MROH9: variants seen among roughly 807,000 people sequenced by gnomAD.
MROH9 encodes the protein maestro heat-like repeat-containing protein family member 9.
Under a neutral mutation model 98.2 loss-of-function variants are expected in MROH9, and 92 were observed. That is an observed-to-expected ratio of 0.94 (90% confidence interval 0.79 to 1.11). The LOEUF (loss-of-function observed/expected upper bound fraction) is 1.11. Among genes scored for constraint, MROH9 ranks in the 50% most tolerant of loss-of-function variants. MROH9 has a pLI of 0.00. For missense variants in MROH9, 1,057 were observed against 1,014.8 expected (o/e 1.04, Z -0.57); for synonymous variants, 397 against 368.9 (o/e 1.08, Z -0.87).
At chr1:170,937,668 C>T (rs1648950492) in intron 1 of MROH9, among the ~76,000 whole-genome samples, 2 of 150,976 alleles carry the variant, frequency 1.3e-5, no homozygotes, top group Admixed American at 1.3e-4. Context: ...ACTACAGGCG[C>T]CCGCCACTAC....
In MROH9 at chr1:170,992,228, A is replaced by C; in HGVS notation, c.1093A>C (p.Thr365Pro). ...QASVAPHVLK[T>P]ILLILKGKPG... is the part of the protein sequence containing the mutation. The stretch of plus-strand genomic sequence containing the variant: ...GAGCGTGGCCCCTCACGTGCTGAAG[A>C]CAATCTTATTGATACTGAAAGGAAA... Residue 365 changes from threonine to proline, a missense_variant, in exon 12 of 22, where the codon ACA becomes CCA. Physicochemically the swap from Thr to Pro is conservative, Grantham distance 38 (BLOSUM62 -1). Coordinates refer to ENST00000367759, the MANE Select transcript of MROH9 (RefSeq NM_001163629.2). 3.7e-6 allele frequency: 6 copies of C among 1,613,566 alleles called. No individual in the cohort carries two copies. Among genetic ancestry groups the C allele is most frequent in the Non-Finnish European group, 5.1e-6 (6 of 1,179,702 alleles).
intron 15 of MROH9, chr1:170,998,678 G>A (rs1475325521): frequency 1.8e-6 from 2 of 1,092,228 alleles, no homozygotes; most frequent in Non-Finnish European, 2.2e-6. Flanking sequence ...TGAGTAACTG[G>A]GTAAAATGAA....
intron 1 of MROH9, among the ~76,000 whole-genome samples, chr1:170,943,637 T>C (rs1390014568): frequency 6.6e-6 from 1 of 151,898 alleles, no homozygotes; most frequent in African/African-American, 2.4e-5. Flanking sequence ...AAAGGTTCAT[T>C]TGATCTATAT....
chr1:171,047,500 T>C (rs1653505757), intron 20 of MROH9, among the ~76,000 whole-genome samples: 1 of 152,238 alleles, frequency 6.6e-6, no homozygotes, highest in Non-Finnish European at 1.5e-5. Context: ...TTCTGCTTGA[T>C]TCTTTTTCAT....
intron 20 of MROH9, among the ~76,000 whole-genome samples, chr1:171,045,720 A>G (rs2101863365): frequency 6.6e-6 from 1 of 152,290 alleles, no homozygotes. Flanking sequence ...CATACAGTCT[A>G]TCTGTAAAAA....
chr1:170,983,627 AT>A, intron 9 of MROH9, 93 bp downstream of exon 9: 2 of 773,594 alleles, frequency 2.6e-6, no homozygotes, highest in Non-Finnish European at 4.2e-6. Context: ...TGTCGTTAGT[AT>A]TTTTTCGTTT....
At chr1:170,970,050 G>C (rs1650380396) in intron 7 of MROH9, among the ~76,000 whole-genome samples, 1 of 152,060 alleles carries the variant, frequency 6.6e-6, no homozygotes, top group Admixed American at 6.6e-5. Flanking sequence ...ATGCAGTCTA[G>C]GCACGACCAC....
rs1210886744 is a variant in MROH9 at position 170,995,402 on chromosome 1, T to C, written c.1208T>C (p.Leu403Pro). Residue 403 changes from leucine (L) to proline (P), a missense_variant, in exon 13 of 22, where the codon CTG becomes CCG. Coordinates refer to ENST00000367759, the MANE Select transcript of MROH9 (RefSeq NM_001163629.2). ...NLMPLAACQA[L>P]CTFLPLGSYR... ...CTTCCCTTATAGGCATGCCAGGCCC[T>C]GTGCACCTTTCTGCCTCTTGGTTCC... is the stretch of plus-strand genomic sequence containing the variant. 6.2e-7 allele frequency: 1 copy of C among 1,613,274 alleles called. No homozygotes were observed. The highest frequency in any genetic ancestry group is 8.5e-7 in the Non-Finnish European group (1 of 1,179,514).
intron 12 of MROH9, among the ~76,000 whole-genome samples, chr1:170,995,164 A>G (rs1651512461): frequency 6.6e-6 from 1 of 152,132 alleles, no homozygotes; most frequent in Non-Finnish European, 1.5e-5. Flanking sequence ...GGGTGTTTGT[A>G]TAGTGCCTTA....
intron 8 of MROH9, among the ~76,000 whole-genome samples, chr1:170,972,928 C>A (rs961401518): frequency 2.0e-5 from 3 of 147,618 alleles, no homozygotes; most frequent in Non-Finnish European, 4.4e-5. Context: ...GAGGTGAGAA[C>A]GAATGAGGTG....
At chr1:171,037,350 G>T (rs1326538494) in intron 20 of MROH9, among the ~76,000 whole-genome samples, 1 of 150,828 alleles carries the variant, frequency 6.6e-6, no homozygotes, top group Admixed American at 6.6e-5. Context: ...GGGAGAGGAA[G>T]AAAAGAAGGA....
intron 1 of MROH9, among the ~76,000 whole-genome samples, chr1:170,940,870 C>T (rs1649093492): frequency 6.6e-6 from 1 of 152,208 alleles, no homozygotes. Context: ...GTTCTTGTGG[C>T]TTCCACTTGG....
At chr1:170,937,515 A>AT (rs71125282) in intron 1 of MROH9, among the ~76,000 whole-genome samples, 4,340 of 113,312 alleles carry the variant, frequency 0.038, 157 homozygotes, top group African/African-American at 0.067. Context: ...CATAATCAGT[A>AT]TTTTTTTTTT....
intron 20 of MROH9, among the ~76,000 whole-genome samples, chr1:171,044,620 A>G (rs1475480560): frequency 2.0e-5 from 3 of 152,126 alleles, no homozygotes; most frequent in South Asian, 4.1e-4. Context: ...GAGACTTTGT[A>G]TTATAGCTTT....
At chr1:170,986,877 G>T (rs530410784) in intron 10 of MROH9, among the ~76,000 whole-genome samples, 167 bp downstream of exon 10, 1 of 152,200 alleles carries the variant, frequency 6.6e-6, no homozygotes, top group African/African-American at 2.4e-5. Context: ...TAGAGACAGG[G>T]TCTTGCTCTG....
intron 20 of MROH9, among the ~76,000 whole-genome samples, chr1:171,033,120 C>A (rs1652979547): frequency 6.6e-6 from 1 of 152,250 alleles, no homozygotes; most frequent in African/African-American, 2.4e-5. Context: ...ATCCAGCCTC[C>A]CTGGCTCCAG....
chr1:170,937,224 A>T (rs1365488153), intron 1 of MROH9, among the ~76,000 whole-genome samples: 2 of 152,232 alleles, frequency 1.3e-5, no homozygotes, highest in African/African-American at 4.8e-5. Context: ...TCCTGCATAC[A>T]ACTGAAAATG....
chr1:171,049,686 T>C (rs1653601686), intron 20 of MROH9, among the ~76,000 whole-genome samples: 1 of 151,850 alleles, frequency 6.6e-6, no homozygotes, highest in Non-Finnish European at 1.5e-5. Flanking sequence ...TTTTCTTTTT[T>C]CTTTTTTTTT....
chr1:171,064,633 G>T lies in MROH9; in HGVS notation c.*293G>T. On this transcript the variant is annotated 3_prime_UTR_variant, in exon 22 of 22. Transcript: ENST00000367759. ...ACATAAGCAAAGTGTTTGATGAGAA[G>T]CTCTGGGAACTTGATTCAGTCCGGA... 3.9e-6 allele frequency: 1 copy of T among 253,806 alleles called. No individual in the cohort carries two copies. Among genetic ancestry groups the T allele is most frequent in the Non-Finnish European group, 7.4e-6 (1 of 134,850 alleles). The allele number at this position is 253,806 out of a possible 1,614,324, so 15.7% of individuals were successfully genotyped here.
Sources: gnomAD v4.1 joint callset for allele counts (sites outside exome capture counted in the v4.1 genomes callset) on GRCh38, gnomAD v4.1.1 for gene constraint, MANE v1.5 for transcripts, NCBI Gene and HGNC (gene_info 2026-07-23, HGNC 2026-07-21) for gene names.